Variants in CADM2 observed in about 807,000 individuals in gnomAD.
CADM2 encodes the protein immunoglobulin superfamily member 4D.
In CADM2, 12 loss-of-function variants were observed where a neutral mutation model predicts 49.8. That is an observed-to-expected ratio of 0.24 (90% CI 0.15 to 0.39). The LOEUF is 0.39. Ranked by LOEUF, CADM2 falls within the 10% of genes least tolerant of loss-of-function variation. The pLI is 1.00. For synonymous variants in CADM2, 214 were observed against 175.4 expected, an observed-to-expected ratio of 1.22 and a Z score of -1.74; for missense variants, 378 against 492.3, an observed-to-expected ratio of 0.77 and a Z score of 2.20.
chr3:85,600,312 T>C (rs2063354079), intron 1 of CADM2, among the ~76,000 whole-genome samples: 1 of 151,950 alleles, frequency 6.6e-6, no homozygotes, highest in Admixed American at 6.6e-5. Flanking sequence ...AGAGATTCAA[T>C]GAAGCACCTA....
At chr3:85,952,873 T>C (rs1723618006) in intron 7 of CADM2, among the ~76,000 whole-genome samples, 1 of 150,982 alleles carries the variant, frequency 6.6e-6, no homozygotes, top group African/African-American at 2.4e-5. Context: ...ATTAATTTTC[T>C]TAAAGGAAAC....
chr3:85,948,347 C>G (rs1215991281), intron 7 of CADM2, among the ~76,000 whole-genome samples: 1 of 151,044 alleles, frequency 6.6e-6, no homozygotes, highest in African/African-American at 2.4e-5. Context: ...TAACATGTAT[C>G]ATAAATTTGG....
At chr3:85,683,062 T>A (rs1256139094) in intron 1 of CADM2, among the ~76,000 whole-genome samples, 1 of 152,110 alleles carries the variant, frequency 6.6e-6, no homozygotes, top group African/African-American at 2.4e-5. Context: ...ATTATTCTGG[T>A]GTCACTATGC....
At position 85,598,655 on chromosome 3, in the gene CADM2, A is replaced by T. The variant is rs997440507; in HGVS notation, c.62-127867A>T. ...CTACTTAATTGGTCATTTAAAAAAA[A>T]ATATTTACTGACATCCACTGTGTGT... On this transcript the variant is annotated intron_variant, in intron 1 of 9. Transcript: ENST00000383699. Among the ~76,000 whole-genome samples the T allele has an allele frequency of 7.9e-5, 12 of 152,068 alleles. No individual in the cohort carries two copies. In the East Asian group the frequency reaches 1.4e-3, roughly 17 times the overall value.
intron 1 of CADM2, among the ~76,000 whole-genome samples, chr3:85,195,596 A>AC (rs1559714323): frequency 6.6e-6 from 1 of 151,820 alleles, no homozygotes; most frequent in African/African-American, 2.4e-5. Flanking sequence ...GATTCAAAAA[A>AC]TGTCAGTAGA....
Position 85,748,291 on chromosome 3 carries a change from A to C in CADM2, c.88+21743A>C, listed in dbSNP as rs59320041. 7.9e-5 allele frequency among the ~76,000 whole-genome samples: 12 copies of C among 152,096 alleles called. No individual in the cohort carries two copies. The East Asian group carries it at 2.3e-3, about 29-fold the overall frequency. On this transcript the variant is annotated intron_variant, in intron 2 of 9. Coordinates refer to ENST00000383699, the MANE Select transcript of CADM2 (RefSeq NM_001167675.2). ...AATGAAAGTATTGAGAAGTTCATTT[A>C]TATTCTTCTTATAATCAACTTTATC...
chr3:85,533,582 T>G (rs1051753795), intron 1 of CADM2, among the ~76,000 whole-genome samples: 12 of 152,194 alleles, frequency 7.9e-5, no homozygotes, highest in Non-Finnish European at 1.8e-4. Flanking sequence ...ATAATTTCTC[T>G]TAAAATAAAT....
intron 2 of CADM2, among the ~76,000 whole-genome samples, chr3:85,741,774 T>G (rs368249785): frequency 6.6e-6 from 1 of 152,230 alleles, no homozygotes; most frequent in South Asian, 2.1e-4. Context: ...CTCCACCCAT[T>G]TAATTTTGTA....
chr3:85,545,278 AC>A (rs1490031748), intron 1 of CADM2, among the ~76,000 whole-genome samples: 6 of 152,002 alleles, frequency 3.9e-5, no homozygotes, highest in Admixed American at 2.0e-4. Context: ...GTGTAAAAAA[AC>A]AATTGTAATG....
intron 1 of CADM2, among the ~76,000 whole-genome samples, chr3:85,651,984 C>CTTTTTTT (rs75263402): frequency 2.8e-5 from 3 of 105,464 alleles, no homozygotes; most frequent in African/African-American, 3.6e-5. Context: ...CGCCCGGCTA[C>CTTTTTTT]TTTTTTTTTT....
At chr3:85,656,229 A>T (rs2107596298) in intron 1 of CADM2, among the ~76,000 whole-genome samples, 1 of 152,240 alleles carries the variant, frequency 6.6e-6, no homozygotes, top group East Asian at 1.9e-4. Context: ...ATAGTTTAAA[A>T]ATTATAAATA....
In CADM2 at chr3:86,073,536, T is replaced by C. The variant is rs1043096585; in HGVS notation, c.*6753T>C. On this transcript the variant is annotated 3_prime_UTR_variant, in exon 10 of 10. Transcript: ENST00000383699. ...GCGCTTAAAATATGTCATGTACAAC[T>C]CTTATAAACATTTTTACAGGGTTCC... 2.0e-5 allele frequency: 3 copies of C among 152,054 alleles called. No homozygotes were observed. The highest frequency in any genetic ancestry group is 4.8e-5 in the African/African-American group (2 of 41,462). 9.4% of individuals were successfully genotyped at this position (152,054 alleles called of 1,614,324 possible). A position where few individuals can be genotyped will look rare whatever the true frequency, so the allele number is the denominator to read the frequency against.
chr3:85,240,532 A>G (rs1466470135), intron 1 of CADM2, among the ~76,000 whole-genome samples: 1 of 151,534 alleles, frequency 6.6e-6, no homozygotes, highest in Non-Finnish European at 1.5e-5. Context: ...GAGGTGATTA[A>G]CATGACAAAA....
At chr3:85,403,378 T>C (rs2035212854) in intron 1 of CADM2, among the ~76,000 whole-genome samples, 1 of 152,166 alleles carries the variant, frequency 6.6e-6, no homozygotes, top group East Asian at 1.9e-4. Flanking sequence ...TCAAGGGCAT[T>C]TCTTGCACTT....
chr3:85,356,156 A>C (rs544450769), intron 1 of CADM2, among the ~76,000 whole-genome samples: 1 of 152,122 alleles, frequency 6.6e-6, no homozygotes, highest in Non-Finnish European at 1.5e-5. Context: ...TAGCTATACT[A>C]TCAGATAATT....
chr3:85,167,674 C>A (rs2040506587), intron 1 of CADM2, among the ~76,000 whole-genome samples: 1 of 152,136 alleles, frequency 6.6e-6, no homozygotes, highest in Admixed American at 6.5e-5. Context: ...AACAATTAAA[C>A]CACTTTTAAT....
rs77595386 is a variant in CADM2 at position 85,498,269 on chromosome 3, C to G, written c.62-228253C>G. ...TTGTGCTGAAGTGCTGTCTAGTGTT[C>G]CTACTTGAAAGAAGGTTGTGATGTC... On this transcript the variant is annotated intron_variant, in intron 1 of 9. Coordinates refer to ENST00000383699, the MANE Select transcript of CADM2 (RefSeq NM_001167675.2). Among the ~76,000 whole-genome samples the G allele has an allele frequency of 0.01, 1,471 of 146,960 alleles. 59 individuals carry two copies. The East Asian group carries it at 0.13, about 13-fold the overall frequency.
At chr3:85,730,644 C>G (rs1289045664) in intron 2 of CADM2, among the ~76,000 whole-genome samples, 2 of 151,944 alleles carry the variant, frequency 1.3e-5, no homozygotes, top group Non-Finnish European at 1.5e-5. Flanking sequence ...GAGAAAGGTA[C>G]TTTAAAGTAG....
chr3:85,743,659 A>G (rs1174083372), intron 2 of CADM2, among the ~76,000 whole-genome samples: 1 of 152,188 alleles, frequency 6.6e-6, no homozygotes, highest in Admixed American at 6.5e-5. Context: ...TGTATTGGGT[A>G]GAATATTCTA....
Sources: gnomAD v4.1 joint callset for allele counts (sites outside exome capture counted in the v4.1 genomes callset) on GRCh38, gnomAD v4.1.1 for gene constraint, MANE v1.5 for transcripts, NCBI Gene and HGNC (gene_info 2026-07-23, HGNC 2026-07-21) for gene names.